The following JAKMIP3 variants were observed in gnomAD, a reference collection of about 807,000 sequenced individuals.
JAKMIP3 encodes the protein janus kinase and microtubule-interacting protein 3.
Under a neutral mutation model 118.5 loss-of-function variants are expected in JAKMIP3, and 58 were observed. The ratio of observed to expected loss-of-function variants is 0.49; its 90% CI spans 0.40 to 0.61. The LOEUF is 0.61. Ranked by LOEUF, JAKMIP3 falls within the 20% of genes least tolerant of loss-of-function variation. The pLI is 0.00. For missense variants in JAKMIP3, 950 were observed against 1,109.0 expected, an observed-to-expected ratio of 0.86 and a Z score of 2.04; for synonymous variants, 486 against 451.2, an observed-to-expected ratio of 1.08 and a Z score of -0.98.
Position 132,150,026 on chromosome 10 carries a change from C to G in JAKMIP3, c.1992C>G (p.Gly664=). Residue 664 remains glycine, a synonymous_variant, in exon 16 of 24, where the codon GGC becomes GGG. Transcript: ENST00000684848. ...TGATGAAGAAGCTGGACATCCTGGG[C>G]GATAACGCCGTAAGTGTATGTCGCT... ...AELMKKLDIL[G]DNAVSNLTNE... 2 of 1,593,406 alleles carry G rather than the reference C, an allele frequency of 1.3e-6. No individual in the cohort carries two copies. Among genetic ancestry groups the G allele is most frequent in the Non-Finnish European group, 1.7e-6 (2 of 1,172,606 alleles).
At chr10:132,038,485 GA>G (rs2037592628) in intron 1 of JAKMIP3, among the ~76,000 whole-genome samples, 1 of 152,188 alleles carries the variant, frequency 6.6e-6, no homozygotes, top group South Asian at 2.1e-4. Flanking sequence ...CGACACAAAA[GA>G]AATAGCGATG....
rs7897589 is a variant in JAKMIP3 at position 132,049,439 on chromosome 10, G to A, written c.-138+12701G>A. 0.22 allele frequency among the ~76,000 whole-genome samples: 33,867 copies of A among 150,560 alleles called. 3,887 individuals are homozygous for A. The highest frequency in any genetic ancestry group is 0.25 in the African/African-American group (10,085 of 41,146). ...TTCAACTGCCTCTTATTAAATTGTC[G>A]TTTGTGTTATTCTCCCTTGGGCATC... On this transcript the variant is annotated intron_variant, in intron 1 of 23. Transcript: ENST00000657785. The surrounding 1 kb of genome is among the most constrained non-coding windows in gnomAD (Gnocchi z 4.3).
chr10:132,095,798 T>C (rs1395176952), intron 1 of JAKMIP3, among the ~76,000 whole-genome samples: 2 of 152,218 alleles, frequency 1.3e-5, no homozygotes, highest in Non-Finnish European at 2.9e-5. Context: ...TTTTGAGCTT[T>C]GTTCTGGGAC....
At chr10:132,162,652 G>C (rs2058470409) in intron 19 of JAKMIP3, among the ~76,000 whole-genome samples, 1 of 152,096 alleles carries the variant, frequency 6.6e-6, no homozygotes, top group African/African-American at 2.4e-5. Context: ...CCTCTGTAGT[G>C]TGAGAATTTG....
intron 3 of JAKMIP3, among the ~76,000 whole-genome samples, chr10:132,128,109 A>G (rs1024947705): frequency 2.0e-5 from 3 of 152,224 alleles, no homozygotes; most frequent in African/African-American, 7.2e-5. Flanking sequence ...TGTATTAACA[A>G]AGGACGCTCT....
chr10:132,081,612 C>T (rs181132605), intron 1 of JAKMIP3, among the ~76,000 whole-genome samples: 7 of 152,176 alleles, frequency 4.6e-5, no homozygotes, highest in Admixed American at 4.6e-4. Flanking sequence ...ATGGGTAGTG[C>T]GAGGCCTCCG....
At position 132,112,510 on chromosome 10, in the gene JAKMIP3, C is replaced by T. The variant is rs1234829559; in HGVS notation, c.136-4567C>T. 1.3e-5 allele frequency among the ~76,000 whole-genome samples: 2 copies of T among 152,128 alleles called. No homozygotes were observed. The highest frequency in any genetic ancestry group is 3.8e-4 in the East Asian group (2 of 5,200). On this transcript the variant is annotated intron_variant, in intron 2 of 23. Transcript: ENST00000684848. The surrounding 1 kb of genome is among the most constrained non-coding windows in gnomAD (Gnocchi z 4.3). ...TTAAGAAGGGTCTCTTTTCCTGGTTCCTTATTTTGTTCAATTGTATTCTTT... is the reference window on the plus strand; with the variant it reads ...TTAAGAAGGGTCTCTTTTCCTGGTTTCTTATTTTGTTCAATTGTATTCTTT...
chr10:132,043,814 G>T (rs1057089917), intron 1 of JAKMIP3, among the ~76,000 whole-genome samples: 2 of 152,230 alleles, frequency 1.3e-5, no homozygotes, highest in South Asian at 4.1e-4. Context: ...TCAGGCGTCG[G>T]TGTTAATGAT....
chr10:132,139,487 A>T (rs1007068518), intron 9 of JAKMIP3, among the ~76,000 whole-genome samples: 1 of 134,800 alleles, frequency 7.4e-6, no homozygotes. Context: ...AGTGTGTGTG[A>T]GAGTATGTGA....
chr10:132,056,922 G>A (rs1253590795), intron 1 of JAKMIP3, among the ~76,000 whole-genome samples: 1 of 152,164 alleles, frequency 6.6e-6, no homozygotes, highest in East Asian at 1.9e-4. Context: ...AGGGGTCAGA[G>A]GTCCAGCTCC....
At chr10:132,101,627 G>A (rs546289706) in intron 1 of JAKMIP3, among the ~76,000 whole-genome samples, 12 of 152,206 alleles carry the variant, frequency 7.9e-5, no homozygotes, top group Admixed American at 5.2e-4. Context: ...AGTTTCTGCC[G>A]CCATCAGTGA....
intron 1 of JAKMIP3, among the ~76,000 whole-genome samples, chr10:132,079,858 G>T (rs760012483): frequency 6.6e-6 from 1 of 152,214 alleles, no homozygotes; most frequent in African/African-American, 2.4e-5. Context: ...TCCTTCTTAA[G>T]GCTGAATCGT....
intron 9 of JAKMIP3, among the ~76,000 whole-genome samples, chr10:132,138,917 C>T (rs189416305): frequency 7.0e-4 from 106 of 152,374 alleles, no homozygotes; most frequent in Non-Finnish European, 1.3e-3. Context: ...GGCAGACCCA[C>T]GTCCCCAGGA....
At chr10:132,113,473 G>A (rs545146330) in intron 2 of JAKMIP3, among the ~76,000 whole-genome samples, 12 of 152,340 alleles carry the variant, frequency 7.9e-5, no homozygotes, top group African/African-American at 1.7e-4. Context: ...GGAACAAAGC[G>A]GCCACCTGGC....
chr10:132,145,571 T>C lies in JAKMIP3; in HGVS notation c.1740T>C (p.Leu580=). 4 of 1,563,350 alleles carry C rather than the reference T, an allele frequency of 2.6e-6. No homozygotes were observed. The South Asian group carries it at 4.7e-5, about 18-fold the overall frequency. ...CACTGTACCGGAGAAATCAAGAGCT[T>C]GTGGAAAAGGTGAGCCCCGAACCCC... is the stretch of plus-strand genomic sequence containing the variant. ...KQALYRRNQE[L]VEKIKQMETE... Residue 580 remains leucine (L), a synonymous_variant, in exon 13 of 24, where the codon CTT becomes CTC. Coordinates refer to ENST00000684848, the MANE Select transcript of JAKMIP3 (RefSeq NM_001323087.2).
At chr10:132,153,852 C>T in intron 18 of JAKMIP3, 25 bp downstream of exon 18, 8 of 1,613,026 alleles carry the variant, frequency 5.0e-6, no homozygotes, top group Non-Finnish European at 6.8e-6. Context: ...CACCGAGGTT[C>T]TGCGGCTCGG....
intron 2 of JAKMIP3, among the ~76,000 whole-genome samples, chr10:132,114,988 T>C (rs1428342426): frequency 2.6e-5 from 4 of 152,228 alleles, no homozygotes; most frequent in Non-Finnish European, 5.9e-5. Flanking sequence ...ACCAATGTAA[T>C]GAATACATAT....
intron 11 of JAKMIP3, among the ~76,000 whole-genome samples, chr10:132,142,490 GCCCCGGCCCCTCTC>G (rs1554948176): frequency 1.3e-5 from 2 of 152,078 alleles, no homozygotes; most frequent in Admixed American, 1.3e-4. Context: ...CCCGGCCCCG[GCCCCGGCCCCTCTC>G]CCCCGGCCTC....
At position 132,168,197 on chromosome 10, in the gene JAKMIP3, G is replaced by A. The variant is rs1348076999; in HGVS notation, c.*267G>A. On this transcript the variant is annotated 3_prime_UTR_variant, in exon 23 of 24. Coordinates refer to ENST00000684848, the MANE Select transcript of JAKMIP3 (RefSeq NM_001323087.2). ...CGGGACGGGCCTGGCCTTGGCTGCT[G>A]GACCCTGGGTCCCTTCTCCCGGACG... The A allele has an allele frequency of 1.6e-6, 2 of 1,288,860 alleles. No homozygotes were observed. Among genetic ancestry groups the A allele is most frequent in the Non-Finnish European group, 1.0e-6 (1 of 988,520 alleles). The allele number at this position is 1,288,860 out of a possible 1,614,324, so 79.8% of individuals were successfully genotyped here.
Sources: gnomAD v4.1 joint callset for allele counts (sites outside exome capture counted in the v4.1 genomes callset) on GRCh38, gnomAD v4.1.1 for gene constraint, Gnocchi (gnomAD v3.1) non-coding constraint, MANE v1.5 for transcripts, NCBI Gene and HGNC (gene_info 2026-07-23, HGNC 2026-07-21) for gene names.